The following WWOX variants were observed in gnomAD, a reference collection of about 807,000 sequenced individuals.
WWOX encodes WW domain containing oxidoreductase.
WWOX carries 69 observed loss-of-function variants against 46.2 expected under a neutral mutation model. The ratio of observed to expected loss-of-function variants is 1.49; its 90% CI spans 1.23 to 1.82. The LOEUF (loss-of-function observed/expected upper bound fraction) is 1.82. WWOX is among the 40% of genes most tolerant of loss of function. WWOX has a pLI of 0.00. For synonymous variants in WWOX, 359 were observed against 202.6 expected, an observed-to-expected ratio of 1.77 and a Z score of -6.56; for missense variants, 919 against 542.6, an observed-to-expected ratio of 1.69 and a Z score of -6.89.
intron 8 of WWOX, among the ~76,000 whole-genome samples, chr16:79,091,340 T>G (rs2048956027): frequency 6.6e-6 from 1 of 152,228 alleles, no homozygotes; most frequent in African/African-American, 2.4e-5. Context: ...GAAATTTTTT[T>G]GTAATCTCAT....
chr16:78,723,554 C>CTTTTCTT (rs1248587910), intron 8 of WWOX, among the ~76,000 whole-genome samples: 4 of 108,546 alleles, frequency 3.7e-5, no homozygotes, highest in South Asian at 3.9e-4. Flanking sequence ...GATTCCCAGC[C>CTTTTCTT]TTCTTTTCTT....
At chr16:78,288,062 T>C (rs1187755923) in intron 5 of WWOX, among the ~76,000 whole-genome samples, 1 of 152,218 alleles carries the variant, frequency 6.6e-6, no homozygotes, top group East Asian at 1.9e-4. Context: ...TTCTAATGAA[T>C]ATTTTTTAAC....
At chr16:78,616,199 A>T (rs2046020381) in intron 8 of WWOX, among the ~76,000 whole-genome samples, 1 of 151,326 alleles carries the variant, frequency 6.6e-6, no homozygotes, top group Admixed American at 6.6e-5. Context: ...CGGCCACACA[A>T]GCACACACAC....
chr16:78,949,633 C>A (rs933165497), intron 8 of WWOX, among the ~76,000 whole-genome samples: 1 of 152,230 alleles, frequency 6.6e-6, no homozygotes, highest in Non-Finnish European at 1.5e-5. Context: ...TTTTAATCCA[C>A]CTCTCCAAGG....
Position 78,542,544 on chromosome 16 carries a change from G to A in WWOX, c.1056+109792G>A, listed in dbSNP as rs1165162029. Among the ~76,000 whole-genome samples the A allele has an allele frequency of 2.0e-5, 3 of 152,302 alleles. No individual in the cohort carries two copies. The East Asian group carries it at 5.8e-4, about 29-fold the overall frequency. ...GTCAGGGAATGAAAACTATGCAACAGAAGCCGATGTGCAGAGGTGACCGTG... is the reference window on the plus strand; with the variant it reads ...GTCAGGGAATGAAAACTATGCAACAAAAGCCGATGTGCAGAGGTGACCGTG... On this transcript the variant is annotated intron_variant, in intron 8 of 8. Coordinates refer to ENST00000566780, the MANE Select transcript of WWOX (RefSeq NM_016373.4).
At chr16:78,461,153 T>C (rs1167987184) in intron 8 of WWOX, among the ~76,000 whole-genome samples, 3 of 152,182 alleles carry the variant, frequency 2.0e-5, no homozygotes, top group Non-Finnish European at 4.4e-5. Flanking sequence ...AAATGAATTG[T>C]GGATACAGAT....
chr16:79,056,323 G>A (rs1479084895), intron 8 of WWOX, among the ~76,000 whole-genome samples: 1 of 152,102 alleles, frequency 6.6e-6, no homozygotes, highest in African/African-American at 2.4e-5. Flanking sequence ...GAATTCTCAT[G>A]ACAATTTGTA....
chr16:78,197,289 A>G (rs1027052711), intron 5 of WWOX, among the ~76,000 whole-genome samples: 2 of 152,182 alleles, frequency 1.3e-5, no homozygotes, highest in African/African-American at 4.8e-5. Context: ...CCCATATACC[A>G]CAGTTTCTAA....
At chr16:79,054,199 C>G (rs1311474553) in intron 8 of WWOX, among the ~76,000 whole-genome samples, 3 of 152,200 alleles carry the variant, frequency 2.0e-5, no homozygotes, top group Admixed American at 2.0e-4. Flanking sequence ...TCTTTACCCA[C>G]AAAAGCATGC....
chr16:78,239,467 C>T (rs1014671957), intron 5 of WWOX, among the ~76,000 whole-genome samples: 2 of 152,150 alleles, frequency 1.3e-5, no homozygotes, highest in South Asian at 2.1e-4. Flanking sequence ...AGGGATCTTA[C>T]AGGCCTTGCT....
At chr16:78,121,327 G>C (rs536005993) in intron 4 of WWOX, among the ~76,000 whole-genome samples, 2 of 152,118 alleles carry the variant, frequency 1.3e-5, no homozygotes, top group Non-Finnish European at 2.9e-5. Flanking sequence ...TTATTTTGAA[G>C]TTACTTTGTT....
intron 8 of WWOX, among the ~76,000 whole-genome samples, chr16:78,985,438 G>T (rs974845038): frequency 4.6e-5 from 7 of 152,186 alleles, no homozygotes; most frequent in African/African-American, 1.7e-4. Context: ...GGCTAGTACA[G>T]ATCTCTCCCT....
chr16:78,743,085 C>G (rs533429796), intron 8 of WWOX, among the ~76,000 whole-genome samples: 6 of 152,106 alleles, frequency 3.9e-5, no homozygotes, highest in African/African-American at 1.4e-4. Context: ...GATCAGCCCC[C>G]GAAGGAAACA....
intron 8 of WWOX, among the ~76,000 whole-genome samples, chr16:78,828,121 A>G (rs2051714063): frequency 6.6e-6 from 1 of 152,148 alleles, no homozygotes; most frequent in South Asian, 2.1e-4. Context: ...TGCCAACATT[A>G]CAGGAGGCAG....
intron 8 of WWOX, among the ~76,000 whole-genome samples, chr16:78,545,024 A>C (rs1054584860): frequency 2.6e-5 from 4 of 152,162 alleles, no homozygotes; most frequent in African/African-American, 9.7e-5. Context: ...AAAGAGAGAG[A>C]GAGAAAGAAA....
At chr16:78,868,268 G>A (rs1300518544) in intron 8 of WWOX, among the ~76,000 whole-genome samples, 1 of 152,128 alleles carries the variant, frequency 6.6e-6, no homozygotes, top group African/African-American at 2.4e-5. Flanking sequence ...AGTGAAGGAA[G>A]CCGGTCATAA....
intron 8 of WWOX, among the ~76,000 whole-genome samples, chr16:78,482,463 T>G (rs1249432988): frequency 6.6e-6 from 1 of 152,180 alleles, no homozygotes; most frequent in Non-Finnish European, 1.5e-5. Context: ...CTTCAGGTGA[T>G]CTGACTGCCT....
In WWOX at chr16:78,225,221, G is replaced by C. The variant is rs576681439; in HGVS notation, c.516+60932G>C. ...GTATAGTATATTACTGTAATGAATA[G>C]TGTAAGCAGTTGTAATACAATGGGA... On this transcript the variant is annotated intron_variant, in intron 5 of 8. Coordinates refer to ENST00000566780, the MANE Select transcript of WWOX (RefSeq NM_016373.4). Among the ~76,000 whole-genome samples, 5 of 152,268 alleles carry C rather than the reference G, an allele frequency of 3.3e-5. No homozygotes were observed. The South Asian group carries it at 1.0e-3, about 32-fold the overall frequency.
chr16:78,999,963 T>G (rs918624274), intron 8 of WWOX, among the ~76,000 whole-genome samples: 1 of 152,232 alleles, frequency 6.6e-6, no homozygotes, highest in Non-Finnish European at 1.5e-5. Context: ...AGCATTTTTT[T>G]TTCCTTAGGG....
Sources: gnomAD v4.1 joint callset for allele counts (sites outside exome capture counted in the v4.1 genomes callset) on GRCh38, gnomAD v4.1.1 for gene constraint, MANE v1.5 for transcripts, NCBI Gene and HGNC (gene_info 2026-07-23, HGNC 2026-07-21) for gene names.